PCDHA12: variants seen among roughly 807,000 people sequenced by gnomAD.
PCDHA12 encodes protocadherin alpha 12, also known as protocadherin alpha-12.
In PCDHA12, 44 loss-of-function variants were observed where a neutral mutation model predicts 60.0. The observed-to-expected ratio is 0.73, with a 90% CI of 0.58 to 0.94. PCDHA12 has a LOEUF of 0.94. Among genes scored for constraint, PCDHA12 ranks in the 40% least tolerant of loss-of-function variants. PCDHA12 has a pLI of 0.00. For missense variants in PCDHA12, 1,276 were observed against 1,239.7 expected, an observed-to-expected ratio of 1.03 and a Z score of -0.44; for synonymous variants, 569 against 553.0, an observed-to-expected ratio of 1.03 and a Z score of -0.40.
At chr5:140,886,654 T>C (rs2061065769) in intron 1 of PCDHA12, among the ~76,000 whole-genome samples, 1 of 151,782 alleles carries the variant, frequency 6.6e-6, no homozygotes, top group African/African-American at 2.4e-5. Context: ...GGTGAAACCC[T>C]GTCTCTACTA....
At chr5:140,894,997 T>C (rs566489828) in intron 1 of PCDHA12, among the ~76,000 whole-genome samples, 4 of 152,178 alleles carry the variant, frequency 2.6e-5, no homozygotes, top group Non-Finnish European at 5.9e-5. Flanking sequence ...TCCTTTACCC[T>C]TTTTACTTGG....
At chr5:140,977,513 A>G (rs1378316611) in intron 1 of PCDHA12, among the ~76,000 whole-genome samples, 2 of 152,236 alleles carry the variant, frequency 1.3e-5, no homozygotes, top group African/African-American at 4.8e-5. Context: ...GCATTTTGTG[A>G]ACTTGAAAAC....
chr5:140,938,463 T>C (rs1399110046), intron 1 of PCDHA12, among the ~76,000 whole-genome samples: 1 of 152,216 alleles, frequency 6.6e-6, no homozygotes, highest in Non-Finnish European at 1.5e-5. Flanking sequence ...GTTTTTTAAT[T>C]TATTATGTTT....
chr5:140,942,990 C>T (rs1460211642), intron 1 of PCDHA12, among the ~76,000 whole-genome samples: 4 of 151,892 alleles, frequency 2.6e-5, no homozygotes, highest in Non-Finnish European at 5.9e-5. Context: ...GGTGTGGTGG[C>T]TCATGCCTGT....
intron 1 of PCDHA12, among the ~76,000 whole-genome samples, chr5:140,953,511 G>A (rs1243901831): frequency 1.3e-5 from 2 of 152,114 alleles, no homozygotes; most frequent in Non-Finnish European, 2.9e-5. Flanking sequence ...TTAGGCCAAA[G>A]CAACAAAAAC....
At chr5:140,902,761 G>A (rs58783050) in intron 1 of PCDHA12, among the ~76,000 whole-genome samples, 3,599 of 148,306 alleles carry the variant, frequency 0.024, 139 homozygotes, top group African/African-American at 0.083. Flanking sequence ...TCATTCTTAT[G>A]TCTTTGCATT....
intron 1 of PCDHA12, chr5:140,968,614 A>T: frequency 6.2e-7 from 1 of 1,614,142 alleles, no homozygotes; most frequent in Non-Finnish European, 8.5e-7. Context: ...ACTCTGGGCA[A>T]AATGCTTGGC....
At chr5:140,991,991 T>C (rs1420188681) in intron 3 of PCDHA12, among the ~76,000 whole-genome samples, 1 of 151,444 alleles carries the variant, frequency 6.6e-6, no homozygotes, top group Admixed American at 6.6e-5. Context: ...TACCACCCGG[T>C]CTTTCATGTT....
At chr5:140,946,611 A>ATATATATATATATATATATATATAT (rs2093972523) in intron 1 of PCDHA12, among the ~76,000 whole-genome samples, 1 of 86,812 alleles carries the variant, frequency 1.2e-5, no homozygotes, top group African/African-American at 6.4e-5. Context: ...GAAAATGTGA[A>ATATATATATATATATATATATATAT]ATATATATAT....
chr5:140,970,425 C>T (rs1554232453), intron 1 of PCDHA12, among the ~76,000 whole-genome samples: 1 of 151,722 alleles, frequency 6.6e-6, no homozygotes, highest in Non-Finnish European at 1.5e-5. Flanking sequence ...GGTGTAGAGG[C>T]AGGTGTTAGT....
At chr5:140,923,362 T>C (rs1294539314) in intron 1 of PCDHA12, among the ~76,000 whole-genome samples, 1 of 152,136 alleles carries the variant, frequency 6.6e-6, no homozygotes, top group East Asian at 1.9e-4. Context: ...CCTATCTTTA[T>C]AAAATATTTT....
At chr5:140,928,467 A>C (rs782319281) in intron 1 of PCDHA12, 29 of 1,614,142 alleles carry the variant, frequency 1.8e-5, no homozygotes, top group Non-Finnish European at 2.3e-5. Flanking sequence ...ATTTCCAAGT[A>C]GAAGGCCGGG....
chr5:140,884,355 T>C, intron 1 of PCDHA12: 1 of 1,613,922 alleles, frequency 6.2e-7, no homozygotes, highest in Admixed American at 1.7e-5. Context: ...CTGGTGGATG[T>C]CAATGTTTAC....
chr5:140,952,821 A>G (rs269545), intron 1 of PCDHA12, among the ~76,000 whole-genome samples: 31,238 of 152,098 alleles, frequency 0.21, 3,965 homozygotes, highest in African/African-American at 0.36. Context: ...CTGTACAGGA[A>G]GCATGATGCT....
At chr5:140,884,063 G>T in intron 1 of PCDHA12, 1 of 1,613,496 alleles carries the variant, frequency 6.2e-7, no homozygotes, top group Non-Finnish European at 8.5e-7. Context: ...CGCGGTGGAC[G>T]CCGATTCGGG....
At position 140,975,481 on chromosome 5, in the gene PCDHA12, T is replaced by C. The variant is rs566642912; in HGVS notation, c.2368-3468T>C. Among the ~76,000 whole-genome samples, 225 of 152,370 alleles carry C rather than the reference T, an allele frequency of 1.5e-3. 1 individual carries two copies. The highest frequency in any genetic ancestry group is 5.2e-3 in the African/African-American group (216 of 41,590). ...TCTTGGAATTCTGCCTATCAGTTTA[T>C]ATCAATGTTCATAAAATAGCACTAT... On this transcript the variant is annotated intron_variant, in intron 1 of 3. Transcript: ENST00000398631.
rs1554204607 is a variant in PCDHA12 at position 140,927,485 on chromosome 5, C to G, written c.2367+49646C>G. On this transcript the variant is annotated intron_variant, in intron 1 of 3. Transcript: ENST00000398631. ...GCACTGGATCGCGAACAGCGCGCCA[C>G]CCACCTGCTGGTGCTTACAGCTCGG... is the stretch of plus-strand genomic sequence containing the variant. The G allele has an allele frequency of 2.5e-6, 4 of 1,614,098 alleles. No individual in the cohort carries two copies. In the Admixed American group the frequency reaches 6.7e-5, roughly 27 times the overall value.
chr5:140,881,127 A>G (rs1274793505), intron 1 of PCDHA12, among the ~76,000 whole-genome samples: 1 of 152,234 alleles, frequency 6.6e-6, no homozygotes, highest in Non-Finnish European at 1.5e-5. Context: ...GTGGCTTGGT[A>G]GAGATAGTTA....
intron 3 of PCDHA12, among the ~76,000 whole-genome samples, chr5:141,000,385 CTCTCTCTCTCTATATA>C (rs1454405199): frequency 1.1e-4 from 7 of 64,984 alleles, no homozygotes; most frequent in African/African-American, 4.8e-4. Flanking sequence ...CTCTCTCTCT[CTCTCTCTCTCTATATA>C]TATATATATA....
Sources: gnomAD v4.1 joint callset for allele counts (sites outside exome capture counted in the v4.1 genomes callset) on GRCh38, gnomAD v4.1.1 for gene constraint, MANE v1.5 for transcripts, NCBI Gene and HGNC (gene_info 2026-07-23, HGNC 2026-07-21) for gene names.